Variants in RBFOX1 observed in about 807,000 individuals in gnomAD.
RBFOX1 encodes the protein RNA binding protein fox-1 homolog 1.
A neutral mutation model predicts 57.7 loss-of-function variants in RBFOX1; 8 were observed. The ratio of observed to expected loss-of-function variants is 0.14; its 90% confidence interval spans 0.08 to 0.25. RBFOX1 has a LOEUF of 0.25. Among genes scored for constraint, RBFOX1 ranks in the 10% least tolerant of loss-of-function variants. The pLI is 1.00. For synonymous variants in RBFOX1, 326 were observed against 222.4 expected (o/e 1.47, Z -4.15); for missense variants, 611 against 548.5 (o/e 1.11, Z -1.14).
intron 4 of RBFOX1, among the ~76,000 whole-genome samples, chr16:7,223,125 C>G (rs923185463): frequency 1.3e-5 from 2 of 152,152 alleles, no homozygotes; most frequent in African/African-American, 4.8e-5. Context: ...GGTAGCTCAC[C>G]ACATCTACAA....
chr16:7,248,626 G>C (rs2094398522), intron 4 of RBFOX1, among the ~76,000 whole-genome samples: 1 of 152,098 alleles, frequency 6.6e-6, no homozygotes, highest in Non-Finnish European at 1.5e-5. Flanking sequence ...CTTAGTTTTT[G>C]ACCTTCCTTT....
chr16:5,617,554 A>T (rs1450320611), intron 3 of RBFOX1, among the ~76,000 whole-genome samples: 5 of 152,224 alleles, frequency 3.3e-5, no homozygotes, highest in Admixed American at 2.6e-4. Context: ...ATGCTAGCAC[A>T]GCATTGTGGA....
intron 2 of RBFOX1, among the ~76,000 whole-genome samples, chr16:5,507,970 T>C (rs2043436641): frequency 6.6e-6 from 1 of 152,150 alleles, no homozygotes; most frequent in African/African-American, 2.4e-5. Flanking sequence ...TGATTTGTTA[T>C]GGCAGCCCTG....
intron 3 of RBFOX1, among the ~76,000 whole-genome samples, chr16:6,940,881 G>GTTTA (rs2078314557): frequency 7.1e-6 from 1 of 140,916 alleles, no homozygotes; most frequent in East Asian, 2.2e-4. Context: ...GTGTGTGTGT[G>GTTTA]TGTGTGTGTT....
chr16:6,759,133 A>G (rs1490541776), intron 3 of RBFOX1, among the ~76,000 whole-genome samples: 1 of 143,436 alleles, frequency 7.0e-6, no homozygotes, highest in Non-Finnish European at 1.5e-5. Flanking sequence ...GTGGAGTTTC[A>G]TATTACTTAT....
chr16:6,894,893 T>C (rs1228726569), intron 3 of RBFOX1, among the ~76,000 whole-genome samples: 1 of 152,220 alleles, frequency 6.6e-6, no homozygotes, highest in Non-Finnish European at 1.5e-5. Context: ...ATAAGTAGCA[T>C]GTGGCTTTCT....
At chr16:5,640,476 C>T (rs1596548282) in intron 3 of RBFOX1, among the ~76,000 whole-genome samples, 1 of 151,756 alleles carries the variant, frequency 6.6e-6, no homozygotes, top group Admixed American at 6.6e-5. Flanking sequence ...ACATGTACAC[C>T]ATGCACACAC....
At chr16:7,262,396 T>A (rs1358284811) in intron 4 of RBFOX1, among the ~76,000 whole-genome samples, 1 of 152,238 alleles carries the variant, frequency 6.6e-6, no homozygotes, top group Admixed American at 6.5e-5. Flanking sequence ...GGGTGTACCA[T>A]TTCTGGAAAA....
intron 3 of RBFOX1, among the ~76,000 whole-genome samples, chr16:5,670,679 C>T (rs1217915108): frequency 1.3e-5 from 2 of 152,186 alleles, no homozygotes; most frequent in Non-Finnish European, 2.9e-5. Context: ...CTGCTAGGCA[C>T]CTCACAGGGT....
intron 1 of RBFOX1, among the ~76,000 whole-genome samples, chr16:6,185,722 G>A (rs554481182): frequency 5.9e-5 from 9 of 152,298 alleles, no homozygotes; most frequent in Non-Finnish European, 1.2e-4. Flanking sequence ...AATAAAACTT[G>A]GAGAAAGACT....
At chr16:6,113,916 C>T (rs752975851) in intron 1 of RBFOX1, among the ~76,000 whole-genome samples, 1 of 152,164 alleles carries the variant, frequency 6.6e-6, no homozygotes, top group Non-Finnish European at 1.5e-5. Context: ...AATGACATTT[C>T]ATTATTACGA....
intron 2 of RBFOX1, among the ~76,000 whole-genome samples, chr16:6,568,585 C>A (rs912755550): frequency 2.0e-5 from 3 of 152,118 alleles, no homozygotes; most frequent in Admixed American, 2.0e-4. Context: ...GCACGAATAA[C>A]AGAAGATGGG....
At chr16:6,218,277 TTTTATTTATTTA>T (rs57435796) in intron 1 of RBFOX1, among the ~76,000 whole-genome samples, 3 of 150,680 alleles carry the variant, frequency 2.0e-5, no homozygotes, top group Admixed American at 6.6e-5. Flanking sequence ...AGTGAAGTCT[TTTTATTTATTTA>T]TTTATTTATT....
intron 2 of RBFOX1, among the ~76,000 whole-genome samples, chr16:6,364,959 T>C (rs749877804): frequency 4.6e-5 from 7 of 152,092 alleles, no homozygotes. Flanking sequence ...TTCAAAACTG[T>C]GATAAGAAAT....
rs1012669867 is a variant in RBFOX1 at position 5,947,793 on chromosome 16, T to C, written c.351+80458T>C. 2.0e-5 allele frequency among the ~76,000 whole-genome samples: 3 copies of C among 152,228 alleles called. No homozygotes were observed. The highest frequency in any genetic ancestry group is 7.2e-5 in the African/African-American group (3 of 41,448). On this transcript the variant is annotated intron_variant, in intron 4 of 19. Coordinates refer to the RBFOX1 transcript ENST00000641259. The surrounding 1 kb of genome is among the most constrained non-coding windows in gnomAD (Gnocchi z 7.2). ...AGTGCAAGGATACAGCTGCCCTTGG[T>C]ATTCTTCATGGTGATAATGGAAACC...
chr16:5,457,296 G>A (rs2068659873), intron 1 of RBFOX1, among the ~76,000 whole-genome samples: 1 of 151,462 alleles, frequency 6.6e-6, no homozygotes. Flanking sequence ...CGCTATACCT[G>A]GATAATTTTT....
At chr16:6,594,364 A>G (rs975006559) in intron 2 of RBFOX1, among the ~76,000 whole-genome samples, 2 of 152,160 alleles carry the variant, frequency 1.3e-5, no homozygotes, top group Non-Finnish European at 2.9e-5. Context: ...TTATGAGAAA[A>G]ACAAGAATGC....
intron 4 of RBFOX1, among the ~76,000 whole-genome samples, chr16:5,993,384 T>TGTGA (rs1475287832): frequency 0.023 from 1,669 of 71,214 alleles, 9 homozygotes; most frequent in African/African-American, 0.026. Flanking sequence ...TGTGTGTGTG[T>TGTGA]GAGAGAGAGA....
At chr16:5,536,970 C>G (rs1356082368) in intron 2 of RBFOX1, among the ~76,000 whole-genome samples, 1 of 152,168 alleles carries the variant, frequency 6.6e-6, no homozygotes. Flanking sequence ...GCAGAACACA[C>G]TCTGCTAAGC....
Sources: gnomAD v4.1 joint callset for allele counts (sites outside exome capture counted in the v4.1 genomes callset) on GRCh38, gnomAD v4.1.1 for gene constraint, Gnocchi (gnomAD v3.1) non-coding constraint, MANE v1.5 for transcripts, NCBI Gene and HGNC (gene_info 2026-07-23, HGNC 2026-07-21) for gene names.